GPHN: variants seen among roughly 807,000 people sequenced by gnomAD.
The protein encoded by GPHN is gephyrin.
Under a neutral mutation model 95.5 loss-of-function variants are expected in GPHN, and 17 were observed. That is an observed-to-expected ratio of 0.18 (90% confidence interval 0.12 to 0.27). The LOEUF (loss-of-function observed/expected upper bound fraction) is 0.27, where lower values mean the gene tolerates loss of function less well. Ranked by LOEUF, GPHN falls within the 10% of genes least tolerant of loss-of-function variation. The pLI is 1.00. For missense variants in GPHN, 660 were observed against 978.1 expected (o/e 0.67, Z 4.34); for synonymous variants, 320 against 322.5 (o/e 0.99, Z 0.08).
intron 11 of GPHN, among the ~76,000 whole-genome samples, chr14:67,070,783 G>A (rs898822838): frequency 2.0e-5 from 3 of 147,626 alleles, no homozygotes; most frequent in African/African-American, 7.8e-5. Flanking sequence ...CAGTACTGTG[G>A]GTCCCACTTG....
At chr14:66,781,046 A>G (rs545775523) in intron 3 of GPHN, among the ~76,000 whole-genome samples, 89 of 152,286 alleles carry the variant, frequency 5.8e-4, no homozygotes, top group Admixed American at 3.8e-3. Context: ...GTTTTCTAGC[A>G]CCAGAAATTA....
intron 11 of GPHN, among the ~76,000 whole-genome samples, chr14:67,087,304 A>AC (rs1407452736): frequency 8.6e-5 from 13 of 152,016 alleles, no homozygotes; most frequent in Non-Finnish European, 7.4e-5. Flanking sequence ...TTTGATCTAC[A>AC]CCCCCCAGTG....
At chr14:67,561,503 G>A in the GPHN span, among the ~76,000 whole-genome samples, 1 of 152,054 alleles carries the variant, frequency 6.6e-6, no homozygotes, top group Admixed American at 6.5e-5. Context: ...GGCAGAGGTT[G>A]CAGTGAGCCA....
the GPHN span, chr14:67,589,085 G>C: frequency 6.5e-6 from 1 of 152,794 alleles, no homozygotes; most frequent in Non-Finnish European, 1.5e-5. Context: ...AACAGCTCTG[G>C]TTTTATAATA....
At chr14:66,906,155 G>A (rs932220016) in intron 5 of GPHN, among the ~76,000 whole-genome samples, 8 of 152,068 alleles carry the variant, frequency 5.3e-5, no homozygotes, top group African/African-American at 9.7e-5. Context: ...CCAGTGTTTC[G>A]TGCCCAGGGA....
intron 16 of GPHN, among the ~76,000 whole-genome samples, chr14:67,120,258 C>A (rs1413639731): frequency 6.6e-6 from 1 of 151,850 alleles, no homozygotes; most frequent in Non-Finnish European, 1.5e-5. Context: ...TCTTTTGAAA[C>A]TGTAATAAAT....
intron 3 of GPHN, among the ~76,000 whole-genome samples, chr14:66,813,062 C>G (rs890290529): frequency 6.6e-6 from 1 of 152,030 alleles, no homozygotes; most frequent in African/African-American, 2.4e-5. Flanking sequence ...CAGTCTGATT[C>G]CTTTATATAA....
chr14:67,541,881 A>C, the GPHN span: 1 of 1,602,074 alleles, frequency 6.2e-7, no homozygotes. Flanking sequence ...GCAGAACTCA[A>C]GGTGGAGGCG....
intron 13 of GPHN, among the ~76,000 whole-genome samples, chr14:67,108,875 A>G (rs1181404210): frequency 6.6e-6 from 1 of 152,186 alleles, no homozygotes; most frequent in Non-Finnish European, 1.5e-5. Context: ...AGTGGTAAAT[A>G]TATTCACATT....
chr14:66,510,145 A>G (rs1362241752), intron 1 of GPHN, among the ~76,000 whole-genome samples: 2 of 152,228 alleles, frequency 1.3e-5, no homozygotes, highest in African/African-American at 2.4e-5. Context: ...ATTCAGTTGT[A>G]TTTCAGAATT....
intron 1 of GPHN, among the ~76,000 whole-genome samples, chr14:66,526,488 T>A (rs2139876470): frequency 6.6e-6 from 1 of 152,336 alleles, no homozygotes; most frequent in Middle Eastern, 3.4e-3. Context: ...TCTTGCCTGA[T>A]TGCCCTGGCC....
intron 1 of GPHN, among the ~76,000 whole-genome samples, chr14:66,621,520 G>A (rs2063302961): frequency 1.3e-5 from 2 of 150,984 alleles, no homozygotes; most frequent in Admixed American, 1.3e-4. Flanking sequence ...CACCCCCTGG[G>A]TTCACACCAT....
At chr14:67,640,416 A>G in the GPHN span, among the ~76,000 whole-genome samples, 2 of 152,158 alleles carry the variant, frequency 1.3e-5, no homozygotes, top group African/African-American at 2.4e-5. Flanking sequence ...CTTGTTTCCA[A>G]TATCTCTTGC....
intron 3 of GPHN, among the ~76,000 whole-genome samples, chr14:66,784,241 G>C (rs1162162553): frequency 6.6e-6 from 1 of 152,014 alleles, no homozygotes; most frequent in Non-Finnish European, 1.5e-5. Flanking sequence ...AAACTCACAG[G>C]GGGCAACAGA....
the GPHN span, among the ~76,000 whole-genome samples, chr14:67,234,640 A>G: frequency 6.6e-6 from 1 of 151,984 alleles, no homozygotes; most frequent in South Asian, 2.1e-4. Flanking sequence ...ACTTCCTCCC[A>G]CTGGGTTCAA....
the GPHN span, among the ~76,000 whole-genome samples, chr14:67,283,522 A>G: frequency 6.0e-4 from 92 of 152,240 alleles, 7 homozygotes; most frequent in East Asian, 8.3e-3. Context: ...GAAGTTGATT[A>G]TTTTTACTAT....
the GPHN span, among the ~76,000 whole-genome samples, chr14:67,715,371 A>G: frequency 1.3e-5 from 2 of 152,264 alleles, no homozygotes; most frequent in African/African-American, 2.4e-5. Flanking sequence ...TACTCCAAAC[A>G]GAAAATAGCA....
chr14:66,604,953 A>C (rs890794057), intron 1 of GPHN, among the ~76,000 whole-genome samples: 1 of 149,210 alleles, frequency 6.7e-6, no homozygotes, highest in East Asian at 2.0e-4. Flanking sequence ...GTGAGAACAT[A>C]CAGTATTTGG....
chr14:67,672,232 C>G, the GPHN span, among the ~76,000 whole-genome samples: 1 of 151,766 alleles, frequency 6.6e-6, no homozygotes, highest in Non-Finnish European at 1.5e-5. Flanking sequence ...GATCCTCCCA[C>G]CTCAGCCTCC....
Sources: allele counts gnomAD v4.1 joint callset (sites outside exome capture counted in the v4.1 genomes callset), GRCh38; gene constraint gnomAD v4.1.1; transcripts MANE v1.5; gene names NCBI Gene and HGNC (gene_info 2026-07-23, HGNC 2026-07-21).